Variants in NFATC2 observed in about 807,000 individuals in gnomAD.
NFATC2 encodes nuclear factor of activated T cells 2.
In NFATC2, 22 loss-of-function variants were observed where a neutral mutation model predicts 87.3. That is an observed-to-expected ratio of 0.25 (90% CI 0.18 to 0.36). The LOEUF (loss-of-function observed/expected upper bound fraction) is 0.36. NFATC2 is among the 10% of genes least tolerant of loss of function. The probability of loss-of-function intolerance (pLI) is 1.00; values close to 1 mark genes in which losing one functional copy is unlikely to be tolerated. For missense variants in NFATC2, 1,149 were observed against 1,259.1 expected (o/e 0.91, Z 1.32); for synonymous variants, 565 against 542.2 (o/e 1.04, Z -0.58).
chr20:51,475,433 G>T (rs538248563), intron 4 of NFATC2, 25 bp downstream of exon 4: 1 of 1,611,792 alleles, frequency 6.2e-7, no homozygotes, highest in Non-Finnish European at 8.5e-7. Flanking sequence ...ATGAAGACCC[G>T]CCGCCCTCAG....
rs934347967 is a variant in NFATC2, at chr20:51,455,643, G to A, written c.1709-955C>T. ...TATAAGCCCAGGAAGGAGGGGCTTCGCTTTGTGTACTGCTGTAAGCCTAGA... is the reference window on the plus strand; with the variant it reads ...TATAAGCCCAGGAAGGAGGGGCTTCACTTTGTGTACTGCTGTAAGCCTAGA... On this transcript the variant is annotated intron_variant, in intron 5 of 10. Transcript: ENST00000371564. Among the ~76,000 whole-genome samples the A allele has an allele frequency of 7.6e-5, 10 of 131,086 alleles. No individual in the cohort carries two copies. In the East Asian group the frequency reaches 1.8e-3, roughly 23 times the overall value. 86.0% of individuals were successfully genotyped at this position (131,086 alleles called of 152,430 possible). A position where few individuals can be genotyped will look rare whatever the true frequency, so the allele number is the denominator to read the frequency against.
chr20:51,402,234 T>G (rs376213757), intron 9 of NFATC2, among the ~76,000 whole-genome samples: 1 of 152,352 alleles, frequency 6.6e-6, no homozygotes, highest in African/African-American at 2.4e-5. Context: ...AACTCAGACC[T>G]GAACTGCCCA....
At chr20:51,533,800 A>T (rs986457510) in intron 1 of NFATC2, among the ~76,000 whole-genome samples, 1 of 152,118 alleles carries the variant, frequency 6.6e-6, no homozygotes, top group Non-Finnish European at 1.5e-5. Flanking sequence ...AAACACACGA[A>T]CCCACGCGCT....
At chr20:51,435,789 T>G (rs748163742) in intron 6 of NFATC2, 28 bp from the exon 7 acceptor site, 19 of 1,571,498 alleles carry the variant, frequency 1.2e-5, no homozygotes, top group Non-Finnish European at 1.6e-5. Flanking sequence ...TGACAGACTT[T>G]GAAGGAACTA....
intron 9 of NFATC2, among the ~76,000 whole-genome samples, chr20:51,424,467 TGGGCAAA>T (rs970158569): frequency 2.0e-5 from 3 of 152,340 alleles, no homozygotes; most frequent in African/African-American, 7.2e-5. Context: ...CGTCTGGTAC[TGGGCAAA>T]GAGCTTTACA....
chr20:51,484,152 A>T (rs1296007352), intron 3 of NFATC2, among the ~76,000 whole-genome samples: 1 of 150,942 alleles, frequency 6.6e-6, no homozygotes, highest in Non-Finnish European at 1.5e-5. Flanking sequence ...CCCTCAAGAG[A>T]GCCAGACACC....
intron 9 of NFATC2, among the ~76,000 whole-genome samples, chr20:51,400,731 C>G (rs757070073): frequency 1.3e-5 from 2 of 152,212 alleles, no homozygotes; most frequent in Non-Finnish European, 2.9e-5. Flanking sequence ...GGTGGCTACT[C>G]GCTCTGCCTT....
chr20:51,442,360 A>AG (rs1340570969), intron 6 of NFATC2, among the ~76,000 whole-genome samples: 1 of 152,216 alleles, frequency 6.6e-6, no homozygotes, highest in African/African-American at 2.4e-5. Context: ...TGAATCCGGG[A>AG]GGTAGAGGTT....
At chr20:51,449,906 T>TAATTA (rs3029280) in intron 6 of NFATC2, among the ~76,000 whole-genome samples, 2,448 of 116,092 alleles carry the variant, frequency 0.021, 70 homozygotes, top group African/African-American at 0.074. Context: ...TACTAATTAC[T>TAATTA]CAATTACTAA....
At chr20:51,472,873 G>C (rs1184906415) in intron 5 of NFATC2, among the ~76,000 whole-genome samples, 1 of 152,080 alleles carries the variant, frequency 6.6e-6, no homozygotes, top group Non-Finnish European at 1.5e-5. Flanking sequence ...GACCTCAAGA[G>C]ATCCACCAAA....
Position 51,512,125 on chromosome 20 carries a change from T to A in NFATC2, c.1332+4659A>T, listed in dbSNP as rs188173973. 1.1e-4 allele frequency among the ~76,000 whole-genome samples: 17 copies of A among 152,348 alleles called. No individual in the cohort carries two copies. In the East Asian group the frequency reaches 2.9e-3, roughly 26 times the overall value. On this transcript the variant is annotated intron_variant, in intron 3 of 10. Transcript: ENST00000371564. ...GAGGAGGAGGACATCATTTGTCTCT[T>A]TGCTGGTTCTATGACCTGTTCCAGG...
intron 1 of NFATC2, among the ~76,000 whole-genome samples, chr20:51,533,225 A>C (rs980485112): frequency 1.3e-5 from 2 of 152,246 alleles, no homozygotes; most frequent in African/African-American, 4.8e-5. Flanking sequence ...CAGAGCAGGA[A>C]GGTGGACAGA....
chr20:51,435,415 G>A lies in NFATC2; in HGVS notation c.1906-101C>T, dbSNP rs1983417439. ...CAGCCCACTGTCTAATGGGTGTTTT[G>A]ATGTGCCTTTCATCGGTTTACAGGG... is the stretch of plus-strand genomic sequence containing the variant. On this transcript the variant is annotated intron_variant, in intron 7 of 10. Coordinates refer to ENST00000371564, the MANE Select transcript of NFATC2 (RefSeq NM_012340.5). The A allele has an allele frequency of 5.3e-6, 8 of 1,513,590 alleles. No homozygotes were observed. The East Asian group carries it at 1.8e-4, about 34-fold the overall frequency. The allele number at this position is 1,513,590 out of a possible 1,614,324, so 93.8% of individuals were successfully genotyped here. A position where few individuals can be genotyped will look rare whatever the true frequency, so the allele number is the denominator to read the frequency against.
chr20:51,541,867 G>C (rs2076822492), intron 1 of NFATC2, among the ~76,000 whole-genome samples: 2 of 152,130 alleles, frequency 1.3e-5, no homozygotes, highest in Non-Finnish European at 2.9e-5. Context: ...TGGGAGCTGC[G>C]TGGCCTCACT....
At chr20:51,481,628 G>T (rs1173859745) in intron 3 of NFATC2, among the ~76,000 whole-genome samples, 1 of 152,058 alleles carries the variant, frequency 6.6e-6, no homozygotes, top group African/African-American at 2.4e-5. Context: ...CGGGGGTGGG[G>T]GCCCAGGCTG....
At chr20:51,463,146 C>T (rs562858663) in intron 5 of NFATC2, among the ~76,000 whole-genome samples, 6 of 152,350 alleles carry the variant, frequency 3.9e-5, no homozygotes, top group South Asian at 4.1e-4. Context: ...AGGCATCTCC[C>T]GGGAGAGGCT....
At chr20:51,495,528 A>G (rs1207189263) in intron 3 of NFATC2, among the ~76,000 whole-genome samples, 1 of 152,234 alleles carries the variant, frequency 6.6e-6, no homozygotes, top group Non-Finnish European at 1.5e-5. Flanking sequence ...GTGTGAGTAC[A>G]GACAGATCAT....
In NFATC2 at chr20:51,409,530, T is replaced by C. The variant is rs186934742; in HGVS notation, c.2723-10800A>G. Among the ~76,000 whole-genome samples, 646 of 152,264 alleles carry C rather than the reference T, an allele frequency of 4.2e-3. 1 individual carries two copies. Among genetic ancestry groups the C allele is most frequent in the Admixed American group, 6.3e-3 (97 of 15,294 alleles). On this transcript the variant is annotated intron_variant, in intron 9 of 10. Transcript: ENST00000371564. The stretch of plus-strand genomic sequence containing the variant: ...TGAATGAAGAGGATGTGTTTGAAAT[T>C]GTATCCAGAATCACTGAGCATCATG...
chr20:51,432,395 G>A lies in NFATC2; in HGVS notation c.2394C>T (p.Leu798=), dbSNP rs1237746143. 1.2e-6 allele frequency: 2 copies of A among 1,603,192 alleles called. No homozygotes were observed. Among genetic ancestry groups the A allele is most frequent in the African/African-American group, 2.7e-5 (2 of 74,818 alleles). The change falls in exon 9 of 11, where the codon CTC becomes CTT. Residue 798 remains leucine (L), a synonymous_variant. Coordinates refer to ENST00000371564, the MANE Select transcript of NFATC2 (RefSeq NM_012340.5). The surrounding 1 kb of genome is among the most constrained non-coding windows in gnomAD (Gnocchi z 4.6). ...CCTGCTGGTTGGTCGGAGAGGGGTG[G>A]AGCAGGGCTGAGCTCTGGCCCTGGG... ...AGSQGQSSAL[L]HPSPTNQQAS...
Sources: gnomAD v4.1 joint callset for allele counts (sites outside exome capture counted in the v4.1 genomes callset) on GRCh38, gnomAD v4.1.1 for gene constraint, Gnocchi (gnomAD v3.1) non-coding constraint, MANE v1.5 for transcripts, NCBI Gene and HGNC (gene_info 2026-07-23, HGNC 2026-07-21) for gene names.